Variants in KANSL1 observed in about 807,000 individuals in gnomAD.
KANSL1 encodes KAT8 regulatory NSL complex subunit 1.
KANSL1 carries 22 observed loss-of-function variants against 103.6 expected under a neutral mutation model. The ratio of observed to expected loss-of-function variants is 0.21; its 90% CI spans 0.15 to 0.30. The LOEUF is 0.30. KANSL1 is among the 10% of genes least tolerant of loss of function. The probability of loss-of-function intolerance (pLI) is 1.00; values close to 1 mark genes in which losing one functional copy is unlikely to be tolerated. For synonymous variants in KANSL1, 600 were observed against 527.6 expected (o/e 1.14, Z -1.88); for missense variants, 1,337 against 1,399.8 (o/e 0.96, Z 0.72).
intron 1 of KANSL1, among the ~76,000 whole-genome samples, chr17:46,211,925 A>C (rs2532416): frequency 0.14 from 21,958 of 152,178 alleles, 2,137 homozygotes; most frequent in Non-Finnish European, 0.22. Flanking sequence ...TGAGGCCCTA[A>C]ATTTCTGAGG....
At chr17:46,037,617 G>A (rs1165676540) in intron 10 of KANSL1, 1 of 152,184 alleles carries the variant, frequency 6.6e-6, no homozygotes, top group African/African-American at 2.4e-5. Context: ...TGCCTTGACA[G>A]TTTTCATGCA....
At chr17:46,144,598 T>A (rs1227971074) in intron 2 of KANSL1, among the ~76,000 whole-genome samples, 1 of 152,144 alleles carries the variant, frequency 6.6e-6, no homozygotes, top group East Asian at 1.9e-4. Context: ...ATACATAACC[T>A]GTATATGACA....
intron 7 of KANSL1, chr17:46,044,906 G>A (rs1389437376): frequency 2.0e-5 from 3 of 152,002 alleles, no homozygotes; most frequent in Non-Finnish European, 2.9e-5. Flanking sequence ...TGTCCTATGG[G>A]GCCAGAAAAC....
At chr17:46,117,962 G>A (rs2043116029) in intron 2 of KANSL1, among the ~76,000 whole-genome samples, 1 of 152,058 alleles carries the variant, frequency 6.6e-6, no homozygotes, top group South Asian at 2.1e-4. Flanking sequence ...TATCTGTTAG[G>A]CTTCAGAACA....
In KANSL1 at chr17:46,193,404, C is replaced by A. The variant is rs577280917; in HGVS notation, c.-671G>T. The A allele has an allele frequency of 1.3e-5, 2 of 154,648 alleles. No homozygotes were observed. The highest frequency in any genetic ancestry group is 2.0e-4 in the South Asian group (1 of 5,024). 9.6% of individuals were successfully genotyped at this position (154,648 alleles called of 1,614,324 possible). A position where few individuals can be genotyped will look rare whatever the true frequency, so the allele number is the denominator to read the frequency against. ...CGGCCGAGCTCCTTTTCCCTCCCCC[C>A]CTTTAATCTGAAGCGGAGGGAGAAT... On this transcript the variant is annotated 5_prime_UTR_variant, in exon 1 of 15. Coordinates refer to ENST00000432791, the MANE Select transcript of KANSL1 (RefSeq NM_015443.4).
chr17:46,070,615 T>G (rs1260799757), intron 4 of KANSL1, among the ~76,000 whole-genome samples: 2 of 152,188 alleles, frequency 1.3e-5, no homozygotes, highest in African/African-American at 2.4e-5. Context: ...TCAGGCATGT[T>G]ATAGGTATTC....
At chr17:46,151,404 A>G (rs2696576) in intron 2 of KANSL1, among the ~76,000 whole-genome samples, 21,939 of 152,112 alleles carry the variant, frequency 0.14, 2,133 homozygotes, top group Non-Finnish European at 0.22. Context: ...TACAGATCTC[A>G]TTCAAACTGT....
At chr17:46,137,699 T>TA (rs199737620) in intron 2 of KANSL1, among the ~76,000 whole-genome samples, 18,297 of 148,070 alleles carry the variant, frequency 0.12, 24 homozygotes, top group Middle Eastern at 0.19. Flanking sequence ...CCGTCTCTAC[T>TA]AAAAAAAAAT....
chr17:46,055,783 A>T (rs1050996551), intron 6 of KANSL1, among the ~76,000 whole-genome samples: 1 of 152,202 alleles, frequency 6.6e-6, no homozygotes, highest in Admixed American at 6.5e-5. Context: ...CTCGGTTAAG[A>T]AACAGAAAAT....
chr17:46,213,676 T>C (rs2048245452), intron 1 of KANSL1, among the ~76,000 whole-genome samples: 1 of 150,218 alleles, frequency 6.7e-6, no homozygotes, highest in Non-Finnish European at 1.5e-5. Context: ...CAGTACTTTG[T>C]GGAGGCCGAG....
At position 46,192,882 on chromosome 17, in the gene KANSL1, A is replaced by T. The variant is rs932232075; in HGVS notation, c.-149T>A. 1 of 152,698 alleles carries T rather than the reference A, an allele frequency of 6.5e-6. No individual in the cohort carries two copies. The highest frequency in any genetic ancestry group is 6.6e-5 in the Admixed American group (1 of 15,258). 9.5% of individuals were successfully genotyped at this position (152,698 alleles called of 1,614,324 possible). A position where few individuals can be genotyped will look rare whatever the true frequency, so the allele number is the denominator to read the frequency against. The stretch of plus-strand genomic sequence containing the variant: ...GCCCCACAAAATGGGCGCAGTTTGC[A>T]AACAGCCCCCCGGCCTGGGCGCCGA... On this transcript the variant is annotated 5_prime_UTR_variant, in exon 1 of 15. Transcript: ENST00000432791.
chr17:46,162,074 G>C (rs1428023355), intron 2 of KANSL1, among the ~76,000 whole-genome samples: 1 of 152,166 alleles, frequency 6.6e-6, no homozygotes, highest in Non-Finnish European at 1.5e-5. Context: ...AAACTGGTAA[G>C]ATTTATTCTT....
intron 1 of KANSL1, among the ~76,000 whole-genome samples, chr17:46,215,964 T>C (rs929566744): frequency 1.3e-5 from 2 of 152,090 alleles, no homozygotes; most frequent in African/African-American, 2.4e-5. Flanking sequence ...CGCTGGAACC[T>C]GGGAGGCAGA....
At chr17:46,211,227 C>CAAAAAAAAAA (rs574672233) in intron 1 of KANSL1, among the ~76,000 whole-genome samples, 3 of 102,492 alleles carry the variant, frequency 2.9e-5, no homozygotes, top group Non-Finnish European at 3.8e-5. Flanking sequence ...ATGTTCTATG[C>CAAAAAAAAAA]AAAAAAAAAA....
At chr17:46,120,440 T>C (rs1966345) in intron 2 of KANSL1, among the ~76,000 whole-genome samples, 21,658 of 151,976 alleles carry the variant, frequency 0.14, 2,121 homozygotes, top group Non-Finnish European at 0.22. Context: ...ATATAAGCTG[T>C]GCATTTCCAT....
In KANSL1 at chr17:46,199,548, G is replaced by A. The variant is rs73984698; in HGVS notation, c.-90+24123C>T. ...GATTAAACAAAAGCATTTCATAAAT[G>A]GCAAAGTATTACAAGAATGCATAGC... On this transcript the variant is annotated intron_variant, in intron 1 of 14. Coordinates refer to the KANSL1 transcript ENST00000572904. 5.5e-3 allele frequency among the ~76,000 whole-genome samples: 831 copies of A among 152,236 alleles called. 10 individuals are homozygous for A. The highest frequency in any genetic ancestry group is 0.019 in the African/African-American group (793 of 41,500).
At chr17:46,191,216 A>G (rs1299230297) in intron 1 of KANSL1, among the ~76,000 whole-genome samples, 1 of 152,244 alleles carries the variant, frequency 6.6e-6, no homozygotes, top group Admixed American at 6.5e-5. Context: ...TACAGGATTA[A>G]AAGTAAAAAT....
chr17:46,036,037 A>AAC (rs2077138489), intron 10 of KANSL1: 1 of 149,448 alleles, frequency 6.7e-6, no homozygotes, highest in African/African-American at 2.4e-5. Context: ...TAAAAAAAAA[A>AAC]AAAAGGTTCT....
chr17:46,096,311 C>CTTTTTTTTTT lies in KANSL1; in HGVS notation c.1290-1620_1290-1611dup, dbSNP rs71138525. Among the ~76,000 whole-genome samples the CTTTTTTTTTT allele has an allele frequency of 9.3e-4, 71 of 76,348 alleles. 1 individual carries two copies. The highest frequency in any genetic ancestry group is 2.1e-3 in the African/African-American group (38 of 17,840). 50.1% of individuals were successfully genotyped at this position (76,348 alleles called of 152,430 possible). ...CATACTACATACCTGGCTTTTTTTT[C>CTTTTTTTTTT]TTTTTTTTTTTTTTTTTTTTTGAGA... On this transcript the variant is annotated intron_variant, in intron 2 of 14. Transcript: ENST00000432791.
Sources: allele counts gnomAD v4.1 joint callset (sites outside exome capture counted in the v4.1 genomes callset), GRCh38; gene constraint gnomAD v4.1.1; transcripts MANE v1.5; gene names NCBI Gene and HGNC (gene_info 2026-07-23, HGNC 2026-07-21).